Variants in HSD17B4 observed in about 807,000 individuals in gnomAD.
The protein encoded by HSD17B4 is peroxisomal multifunctional enzyme type 2.
In HSD17B4, 70 loss-of-function variants were observed where a neutral mutation model predicts 101.0. The ratio of observed to expected loss-of-function variants is 0.69; its 90% CI spans 0.57 to 0.85. The LOEUF is 0.85. Among genes scored for constraint, HSD17B4 ranks in the 40% least tolerant of loss-of-function variants. HSD17B4 has a pLI of 0.00. For synonymous variants in HSD17B4, 347 were observed against 297.1 expected (o/e 1.17, Z -1.73); for missense variants, 984 against 892.4 (o/e 1.10, Z -1.31).
At chr5:119,452,675 G>A (rs1319140304) in intron 1 of HSD17B4, 42 bp downstream of exon 1, 3 of 1,612,406 alleles carry the variant, frequency 1.9e-6, no homozygotes, top group East Asian at 2.2e-5. Flanking sequence ...TTGCTGAGGC[G>A]CAGCTGGCTG....
intron 22 of HSD17B4, chr5:119,536,132 T>C (rs746454193): frequency 1.6e-5 from 6 of 377,814 alleles, no homozygotes; most frequent in Non-Finnish European, 3.0e-5. Context: ...AGCTGTGATC[T>C]TATAGGTGTC....
chr5:119,498,919 T>G (rs954040431), intron 12 of HSD17B4, among the ~76,000 whole-genome samples: 1 of 152,126 alleles, frequency 6.6e-6, no homozygotes, highest in African/African-American at 2.4e-5. Flanking sequence ...CAATCAAATT[T>G]ACATCCATTA....
intron 13 of HSD17B4, among the ~76,000 whole-genome samples, chr5:119,501,355 A>C (rs1751147679): frequency 6.7e-6 from 1 of 149,028 alleles, no homozygotes; most frequent in Non-Finnish European, 1.5e-5. Flanking sequence ...TCTGAGGAAG[A>C]CTGGTAAACT....
At chr5:119,484,948 G>A (rs1355475117) in intron 8 of HSD17B4, among the ~76,000 whole-genome samples, 3 of 152,042 alleles carry the variant, frequency 2.0e-5, no homozygotes, top group Non-Finnish European at 2.9e-5. Flanking sequence ...CATATTATGT[G>A]AAAGATATAT....
chr5:119,469,799 T>C (rs1207324159), intron 2 of HSD17B4, among the ~76,000 whole-genome samples: 1 of 151,960 alleles, frequency 6.6e-6, no homozygotes, highest in Admixed American at 6.5e-5. Context: ...GTTTAGCTTC[T>C]GGTTGGGCAC....
rs139896950 is a variant in HSD17B4, at chr5:119,536,140, G to A, written c.1994-283G>A. 4 of 389,158 alleles carry A rather than the reference G, an allele frequency of 1.0e-5. No individual in the cohort carries two copies. The East Asian group carries it at 1.8e-4, about 18-fold the overall frequency. The allele number at this position is 389,158 out of a possible 1,614,324, so 24.1% of individuals were successfully genotyped here. On this transcript the variant is annotated intron_variant, in intron 22 of 23. Coordinates refer to ENST00000510025, the MANE Select transcript of HSD17B4 (RefSeq NM_000414.4). ...TAAGATTAGCTGTGATCTTATAGGT[G>A]TCTATAAACTCAAGGTGATGGTGGT...
chr5:119,527,270 A>G (rs1227623766), intron 20 of HSD17B4, 51 bp downstream of exon 20: 1 of 1,051,500 alleles, frequency 9.5e-7, no homozygotes, highest in Non-Finnish European at 1.5e-6. Flanking sequence ...ATTGTGTTCC[A>G]TCTTACCATT....
At chr5:119,500,806 G>C (rs1740780318) in intron 13 of HSD17B4, among the ~76,000 whole-genome samples, 2 of 152,142 alleles carry the variant, frequency 1.3e-5, no homozygotes, top group African/African-American at 2.4e-5. Flanking sequence ...GAAGCCAAAT[G>C]AATGAAGTGT....
chr5:119,463,655 CTTTTTTTTTTTT>C (rs57252147), intron 2 of HSD17B4, among the ~76,000 whole-genome samples: 34 of 29,698 alleles, frequency 1.1e-3, no homozygotes, highest in South Asian at 8.7e-3. Context: ...ATTTATATGT[CTTTTTTTTTTTT>C]TTTTTTTTTT....
At chr5:119,500,402 A>T (rs1271874267) in intron 13 of HSD17B4, among the ~76,000 whole-genome samples, 1 of 152,070 alleles carries the variant, frequency 6.6e-6, no homozygotes, top group African/African-American at 2.4e-5. Context: ...ATGTATAATT[A>T]TGTATAGTGT....
chr5:119,511,438 A>G (rs1237454379), intron 16 of HSD17B4, among the ~76,000 whole-genome samples: 1 of 152,220 alleles, frequency 6.6e-6, no homozygotes. Context: ...TCTGGCCTCA[A>G]CGACTACCCT....
intron 8 of HSD17B4, among the ~76,000 whole-genome samples, chr5:119,481,684 A>C (rs1749148800): frequency 6.6e-6 from 1 of 152,180 alleles, no homozygotes. Context: ...AGTATGGATA[A>C]ATGGAGTGAG....
chr5:119,531,961 G>A (rs968917313), intron 22 of HSD17B4, among the ~76,000 whole-genome samples: 2 of 152,092 alleles, frequency 1.3e-5, no homozygotes, highest in African/African-American at 4.8e-5. Flanking sequence ...ACATCTTGCC[G>A]CAGAAAGAAA....
chr5:119,474,471 T>G lies in HSD17B4; in HGVS notation c.280+11T>G. 6.4e-7 allele frequency: 1 copy of G among 1,565,748 alleles called. No homozygotes were observed. The highest frequency in any genetic ancestry group is 8.8e-7 in the Non-Finnish European group (1 of 1,135,896). ...CTTTTGGAAGAATAGGTGATGTTTC[T>G]TTGTGTTATGGCTCTTGTGGAGCAA... On this transcript the variant is annotated intron_variant, in intron 4 of 23. Transcript: ENST00000510025.
intron 2 of HSD17B4, among the ~76,000 whole-genome samples, chr5:119,463,227 G>A (rs1288114601): frequency 6.6e-6 from 1 of 152,078 alleles, no homozygotes; most frequent in Non-Finnish European, 1.5e-5. Flanking sequence ...TATGTATTGT[G>A]TGCCACATTT....
chr5:119,471,499 C>T (rs1438232162), intron 2 of HSD17B4: 4 of 405,948 alleles, frequency 9.9e-6, no homozygotes, highest in Non-Finnish European at 1.7e-5. Context: ...TTTCAACTCT[C>T]ACCCCAGTTT....
chr5:119,456,178 G>T, intron 1 of HSD17B4, 137 bp from the exon 2 acceptor site: 1 of 717,486 alleles, frequency 1.4e-6, no homozygotes, highest in South Asian at 1.5e-5. Flanking sequence ...GAGAATGTCA[G>T]TGATAGGATA....
At chr5:119,475,893 C>T (rs1748535537) in intron 6 of HSD17B4, 23 bp downstream of exon 6, 1 of 1,523,694 alleles carries the variant, frequency 6.6e-7, no homozygotes, top group African/African-American at 1.4e-5. Context: ...TAGTATTTCT[C>T]TGGGGAACAT....
At chr5:119,513,771 A>G (rs1752374652) in intron 16 of HSD17B4, among the ~76,000 whole-genome samples, 1 of 152,228 alleles carries the variant, frequency 6.6e-6, no homozygotes, top group Non-Finnish European at 1.5e-5. Flanking sequence ...ATCAGAGATG[A>G]TGTCAAGTCA....
Sources: allele counts gnomAD v4.1 joint callset (sites outside exome capture counted in the v4.1 genomes callset), GRCh38; gene constraint gnomAD v4.1.1; transcripts MANE v1.5; gene names NCBI Gene and HGNC (gene_info 2026-07-23, HGNC 2026-07-21).